The following IGSF21 variants were observed in gnomAD, a reference collection of about 807,000 sequenced individuals.
IGSF21 encodes the protein immunoglobulin superfamily member 21.
IGSF21 carries 28 observed loss-of-function variants against 46.8 expected under a neutral mutation model. The observed-to-expected ratio is 0.60, with a 90% CI of 0.44 to 0.82. The LOEUF (loss-of-function observed/expected upper bound fraction) is 0.82, where lower values mean the gene tolerates loss of function less well. Ranked by LOEUF, IGSF21 falls within the 40% of genes least tolerant of loss-of-function variation. IGSF21 has a pLI of 0.00. For synonymous variants in IGSF21, 284 were observed against 273.6 expected (o/e 1.04, Z -0.38); for missense variants, 624 against 665.5 (o/e 0.94, Z 0.69).
chr1:18,209,432 A>T (rs2084366612), intron 1 of IGSF21, among the ~76,000 whole-genome samples: 1 of 150,874 alleles, frequency 6.6e-6, no homozygotes, highest in Middle Eastern at 3.5e-3. Flanking sequence ...CTGCATACAG[A>T]GGGCCCGCCT....
intron 3 of IGSF21, among the ~76,000 whole-genome samples, chr1:18,320,541 GGTTGGGAAAGGCCTC>G (rs556446300): frequency 8.4e-4 from 128 of 152,316 alleles, no homozygotes; most frequent in African/African-American, 2.9e-3. Flanking sequence ...CAGCTGACCT[GGTTGGGAAAGGCCTC>G]CTGTGGGGGC....
At chr1:18,367,209 T>TCTC (rs1161569944) in intron 6 of IGSF21, among the ~76,000 whole-genome samples, 2 of 152,208 alleles carry the variant, frequency 1.3e-5, no homozygotes, top group East Asian at 1.9e-4. Flanking sequence ...TCAGGTGTTC[T>TCTC]AGAGAGCTTC....
chr1:18,373,340 AT>A (rs1459631637), intron 6 of IGSF21, among the ~76,000 whole-genome samples: 1 of 152,104 alleles, frequency 6.6e-6, no homozygotes, highest in Non-Finnish European at 1.5e-5. Flanking sequence ...ACTCTCAGCC[AT>A]TGTGGTCTAG....
In IGSF21 at chr1:18,290,186, C is replaced by G. The variant is rs2124564098; in HGVS notation, c.184-1680C>G. 6.6e-6 allele frequency among the ~76,000 whole-genome samples: 1 copy of G among 152,322 alleles called. No homozygotes were observed. The highest frequency in any genetic ancestry group is 6.5e-5 in the Admixed American group (1 of 15,302). ...GAGAGGAGAATCCTCCTGTCCCCGT[C>G]CTCCTCATCTTCCTCCACTCTCATG... On this transcript the variant is annotated intron_variant, in intron 2 of 9. Transcript: ENST00000251296. The surrounding 1 kb of genome is among the most constrained non-coding windows in gnomAD (Gnocchi z 4.2).
intron 1 of IGSF21, among the ~76,000 whole-genome samples, chr1:18,203,548 A>C (rs1048160892): frequency 1.6e-4 from 24 of 152,202 alleles, no homozygotes; most frequent in African/African-American, 5.8e-4. Flanking sequence ...ACCTCAAGTG[A>C]TCTGCCCGCC....
intron 2 of IGSF21, among the ~76,000 whole-genome samples, chr1:18,256,216 A>AC (rs1014278062): frequency 2.6e-5 from 4 of 151,384 alleles, no homozygotes; most frequent in African/African-American, 7.3e-5. Flanking sequence ...GGTAATTCCT[A>AC]CCCCCCTTTA....
chr1:18,319,000 T>C (rs1461261335), intron 3 of IGSF21, among the ~76,000 whole-genome samples: 1 of 152,220 alleles, frequency 6.6e-6, no homozygotes, highest in African/African-American at 2.4e-5. Flanking sequence ...CTGTATTGTC[T>C]GAAATGATAT....
chr1:18,258,369 C>A (rs2084911007), intron 2 of IGSF21, among the ~76,000 whole-genome samples: 1 of 152,174 alleles, frequency 6.6e-6, no homozygotes. Flanking sequence ...ACTCAGTAAC[C>A]ACCAATGGTA....
chr1:18,304,730 T>TGCAC (rs2085395202), intron 3 of IGSF21, among the ~76,000 whole-genome samples: 2 of 128,384 alleles, frequency 1.6e-5, no homozygotes, highest in Non-Finnish European at 3.4e-5. Context: ...CACACACACA[T>TGCAC]ACACACACAC....
At chr1:18,120,919 C>T (rs2086228928) in intron 1 of IGSF21, among the ~76,000 whole-genome samples, 2 of 152,178 alleles carry the variant, frequency 1.3e-5, no homozygotes, top group Non-Finnish European at 2.9e-5. Flanking sequence ...TGCCCTAGTC[C>T]ATCTCACTGA....
At chr1:18,172,577 C>CAG (rs140226104) in intron 1 of IGSF21, among the ~76,000 whole-genome samples, 14 of 151,070 alleles carry the variant, frequency 9.3e-5, no homozygotes, top group Non-Finnish European at 2.1e-4. Flanking sequence ...GTTGCATGTG[C>CAG]AGAGAGAGAG....
chr1:18,325,456 G>T (rs1420876549), intron 3 of IGSF21, among the ~76,000 whole-genome samples: 1 of 152,136 alleles, frequency 6.6e-6, no homozygotes, highest in African/African-American at 2.4e-5. Context: ...GGGCTTGTCT[G>T]ACCAGCAGCA....
rs1010105733 is a variant in IGSF21, at chr1:18,335,885, C to T, written c.424+875C>T. Among the ~76,000 whole-genome samples, 25 of 152,292 alleles carry T rather than the reference C, an allele frequency of 1.6e-4. No individual in the cohort carries two copies. The highest frequency in any genetic ancestry group is 3.4e-3 in the Middle Eastern group (1 of 294). On this transcript the variant is annotated intron_variant, in intron 4 of 9. Coordinates refer to ENST00000251296, the MANE Select transcript of IGSF21 (RefSeq NM_032880.5). This position sits in a 1 kb window ranked among gnomAD's most constrained non-coding sequence, Gnocchi z 4.8. ...CACACCCGTGGTGGTTCTGGCTTCC[C>T]GATGGAGCCACAATGCAGGAGGTGG...
intron 2 of IGSF21, among the ~76,000 whole-genome samples, chr1:18,236,614 A>G (rs1474698558): frequency 1.3e-5 from 2 of 152,192 alleles, no homozygotes; most frequent in Non-Finnish European, 2.9e-5. Context: ...ATTGTCAGAG[A>G]ATGGATGGTA....
intron 1 of IGSF21, among the ~76,000 whole-genome samples, chr1:18,191,600 A>T (rs1181893879): frequency 3.9e-5 from 6 of 151,980 alleles, no homozygotes; most frequent in Non-Finnish European, 5.9e-5. Flanking sequence ...CTGGCGCGGG[A>T]GCACACGGCT....
intron 1 of IGSF21, chr1:18,115,844 AG>A (rs2086183460): frequency 1.3e-5 from 1 of 78,690 alleles, no homozygotes; most frequent in East Asian, 6.7e-4. Flanking sequence ...GAAGGAAGGA[AG>A]AAAGAAAGAA....
intron 3 of IGSF21, among the ~76,000 whole-genome samples, chr1:18,305,976 C>T (rs1399803230): frequency 1.3e-5 from 2 of 152,196 alleles, no homozygotes; most frequent in South Asian, 2.1e-4. Context: ...AGTTTTCTTT[C>T]CAGCTCACAA....
chr1:18,126,688 T>A (rs2086276776), intron 1 of IGSF21, among the ~76,000 whole-genome samples: 1 of 152,150 alleles, frequency 6.6e-6, no homozygotes, highest in Non-Finnish European at 1.5e-5. Flanking sequence ...CCCACCCTCA[T>A]GGGAGCCCTG....
intron 4 of IGSF21, among the ~76,000 whole-genome samples, chr1:18,341,045 C>CTTCTTCTTCT (rs55780171): frequency 0.057 from 4,402 of 77,384 alleles, 128 homozygotes; most frequent in Middle Eastern, 0.072. Flanking sequence ...CTTCTTCTTC[C>CTTCTTCTTCT]TCTTCCTCTT....
Sources: gnomAD v4.1 joint callset for allele counts (sites outside exome capture counted in the v4.1 genomes callset) on GRCh38, gnomAD v4.1.1 for gene constraint, Gnocchi (gnomAD v3.1) non-coding constraint, MANE v1.5 for transcripts, NCBI Gene and HGNC (gene_info 2026-07-23, HGNC 2026-07-21) for gene names.